PTPRN2: variants seen among roughly 807,000 people sequenced by gnomAD.
PTPRN2 encodes the protein receptor-type tyrosine-protein phosphatase N2.
Under a neutral mutation model 118.8 loss-of-function variants are expected in PTPRN2, and 74 were observed. The ratio of observed to expected loss-of-function variants is 0.62; its 90% confidence interval spans 0.52 to 0.76. The LOEUF is 0.76. PTPRN2 is among the 30% of genes least tolerant of loss of function. The pLI is 0.00. For synonymous variants in PTPRN2, 641 were observed against 608.0 expected (o/e 1.05, Z -0.80); for missense variants, 1,481 against 1,394.4 (o/e 1.06, Z -0.99).
rs181609262 is a variant in PTPRN2, at chr7:157,880,368, A to G, written c.1788+18305T>C. On this transcript the variant is annotated intron_variant, in intron 12 of 22. Transcript: ENST00000389418. ...ATCAGGAAATACATCGCAAAGGAAA[A>G]GACAACACTGCCAAAGAAGTAAAAT... Among the ~76,000 whole-genome samples the G allele has an allele frequency of 3.3e-5, 5 of 152,386 alleles. No homozygotes were observed. The East Asian group carries it at 9.6e-4, about 29-fold the overall frequency.
In PTPRN2 at chr7:157,990,451, G is replaced by A. The variant is rs1221147018; in HGVS notation, c.1723+90847C>T. On this transcript the variant is annotated intron_variant, in intron 11 of 22. Coordinates refer to ENST00000389418, the MANE Select transcript of PTPRN2 (RefSeq NM_002847.5). This position sits in a 1 kb window ranked among gnomAD's most constrained non-coding sequence, Gnocchi z 4.3. ...GGGATCCAGGTTCTCCTTCCTTCAG[G>A]GCACCCCCACCCACCCTCTCCCCAA... 6.6e-6 allele frequency among the ~76,000 whole-genome samples: 1 copy of A among 152,040 alleles called. No homozygotes were observed. Among genetic ancestry groups the A allele is most frequent in the Non-Finnish European group, 1.5e-5 (1 of 67,990 alleles).
chr7:158,231,840 C>A (rs1829181393), intron 3 of PTPRN2, among the ~76,000 whole-genome samples: 1 of 152,096 alleles, frequency 6.6e-6, no homozygotes, highest in Admixed American at 6.6e-5. Context: ...TACATAAACA[C>A]ATGGGAATTA....
At chr7:158,299,227 G>GC (rs1300269704) in intron 3 of PTPRN2, among the ~76,000 whole-genome samples, 5 of 152,054 alleles carry the variant, frequency 3.3e-5, no homozygotes, top group Non-Finnish European at 7.4e-5. Context: ...GACCTGGGCT[G>GC]CCCTGGGGAA....
At chr7:158,564,772 G>T (rs1268424164) in intron 1 of PTPRN2, among the ~76,000 whole-genome samples, 1 of 152,250 alleles carries the variant, frequency 6.6e-6, no homozygotes, top group Non-Finnish European at 1.5e-5. Flanking sequence ...CAGAGGGCGG[G>T]CAGCTCAGCA....
Position 158,508,257 on chromosome 7 carries a change from C to T in PTPRN2, c.113-18472G>A, listed in dbSNP as rs547868542. On this transcript the variant is annotated intron_variant, in intron 1 of 22. Coordinates refer to ENST00000389418, the MANE Select transcript of PTPRN2 (RefSeq NM_002847.5). ...GCTGGGCAGGGGGCAGGAGATGACA[C>T]TGTGGTCATCCGAAAGCTTTCGATG... Among the ~76,000 whole-genome samples the T allele has an allele frequency of 4.7e-4, 71 of 152,334 alleles. 2 individuals are homozygous for T. The South Asian group carries it at 0.014, about 30-fold the overall frequency.
intron 2 of PTPRN2, among the ~76,000 whole-genome samples, chr7:158,431,271 G>C (rs1586658763): frequency 6.9e-6 from 1 of 144,338 alleles, no homozygotes; most frequent in East Asian, 2.2e-4. Context: ...CTCACTCCGG[G>C]CTCAACACTG....
chr7:157,917,381 G>T (rs73517038), intron 11 of PTPRN2, among the ~76,000 whole-genome samples: 3 of 152,328 alleles, frequency 2.0e-5, no homozygotes, highest in East Asian at 1.9e-4. Flanking sequence ...CACTCCTCAG[G>T]GTTCCAAGAA....
rs151261145 is a variant in PTPRN2, at chr7:158,510,875, G to A, written c.113-21090C>T. ...TTCTCAGGGCCGCTTGCTGGGAAAC[G>A]ACATGTGTCGAGTTCCCAGCAGTGG... is the stretch of plus-strand genomic sequence containing the variant. On this transcript the variant is annotated intron_variant, in intron 1 of 22. Coordinates refer to ENST00000389418, the MANE Select transcript of PTPRN2 (RefSeq NM_002847.5). Among the ~76,000 whole-genome samples the A allele has an allele frequency of 3.8e-4, 58 of 152,338 alleles. 1 individual carries two copies. Among genetic ancestry groups the A allele is most frequent in the Admixed American group, 3.1e-3 (48 of 15,314 alleles).
At chr7:158,005,982 T>C (rs918524321) in intron 11 of PTPRN2, among the ~76,000 whole-genome samples, 1 of 152,230 alleles carries the variant, frequency 6.6e-6, no homozygotes, top group African/African-American at 2.4e-5. Context: ...TCTGAATTTC[T>C]TTGGAATGCT....
At position 158,319,509 on chromosome 7, in the gene PTPRN2, CCACACACACAGCCTCCCT is replaced by C. The variant is rs1315416822; in HGVS notation, c.164-2595_164-2578del. Among the ~76,000 whole-genome samples the C allele has an allele frequency of 2.7e-4, 10 of 37,082 alleles. 1 individual carries two copies. Among genetic ancestry groups the C allele is most frequent in the East Asian group, 8.6e-4 (1 of 1,168 alleles). 24.3% of individuals were successfully genotyped at this position (37,082 alleles called of 152,430 possible). On this transcript the variant is annotated intron_variant, in intron 2 of 22. Coordinates refer to ENST00000389418, the MANE Select transcript of PTPRN2 (RefSeq NM_002847.5). Reference sequence around the variant, plus strand: ...TCCCTCACACTCACACAGCCTCCCCCCACACACACAGCCTCCCTCACACACACAGCCTCCCTCACACAC... The same window carrying C: ...TCCCTCACACTCACACAGCCTCCCCCCACACACACAGCCTCCCTCACACAC...
chr7:157,695,958 T>A (rs536910511), intron 12 of PTPRN2, among the ~76,000 whole-genome samples: 1 of 151,086 alleles, frequency 6.6e-6, no homozygotes, highest in African/African-American at 2.4e-5. Flanking sequence ...CCTCACCATC[T>A]ACCCATGCAT....
chr7:157,988,154 T>C lies in PTPRN2; in HGVS notation c.1724-89417A>G, dbSNP rs952467719. ...TTGTTTGTGGACTGTGAGTGATGCA[T>C]GTCCTGTGGCACCATGGGAGCACCA... is the stretch of plus-strand genomic sequence containing the variant. On this transcript the variant is annotated intron_variant, in intron 11 of 22. Coordinates refer to ENST00000389418, the MANE Select transcript of PTPRN2 (RefSeq NM_002847.5). Among the ~76,000 whole-genome samples, 6 of 152,334 alleles carry C rather than the reference T, an allele frequency of 3.9e-5. No homozygotes were observed. In the East Asian group the frequency reaches 1.2e-3, roughly 29 times the overall value.
intron 2 of PTPRN2, among the ~76,000 whole-genome samples, chr7:158,405,561 A>G (rs1022896690): frequency 6.6e-6 from 1 of 152,248 alleles, no homozygotes; most frequent in Non-Finnish European, 1.5e-5. Context: ...CTTGCTAAGA[A>G]ACGGGGCATG....
chr7:158,173,743 A>AT (rs1823927533), intron 5 of PTPRN2, among the ~76,000 whole-genome samples: 1 of 152,058 alleles, frequency 6.6e-6, no homozygotes, highest in African/African-American at 2.4e-5. Context: ...TCATAGACCT[A>AT]CCCCTGGGAA....
chr7:157,745,227 TCCTGGGG>T (rs1419581539), intron 12 of PTPRN2, among the ~76,000 whole-genome samples: 4 of 152,168 alleles, frequency 2.6e-5, no homozygotes, highest in African/African-American at 9.7e-5. Context: ...ACCCTAGAGC[TCCTGGGG>T]CCCTGCCCAG....
intron 11 of PTPRN2, among the ~76,000 whole-genome samples, chr7:157,991,131 C>T (rs1422051152): frequency 6.6e-6 from 1 of 152,016 alleles, no homozygotes; most frequent in Non-Finnish European, 1.5e-5. Context: ...CAAGCCAAGG[C>T]GACCGAGCTT....
rs868809941 is a variant in PTPRN2, at chr7:158,214,518, C to G, written c.278-9245G>C. Among the ~76,000 whole-genome samples, 5 of 151,946 alleles carry G rather than the reference C, an allele frequency of 3.3e-5. No homozygotes were observed. The South Asian group carries it at 8.3e-4, about 25-fold the overall frequency. On this transcript the variant is annotated intron_variant, in intron 3 of 22. Transcript: ENST00000389418. ...AATATTAGATATTAACAGCTCTACCCCAGCAAAACACCACAGAAAAAAGTA... is the reference window on the plus strand; with the variant it reads ...AATATTAGATATTAACAGCTCTACCGCAGCAAAACACCACAGAAAAAAGTA...
rs896988205 is a variant in PTPRN2, at chr7:158,535,340, G to C, written c.113-45555C>G. ...TCCCCATTCAGCTGCGTGAATTCGG[G>C]TAAGTTTCTTACATGAGCTGAGCCT... On this transcript the variant is annotated intron_variant, in intron 1 of 22. Coordinates refer to ENST00000389418, the MANE Select transcript of PTPRN2 (RefSeq NM_002847.5). 2.0e-5 allele frequency among the ~76,000 whole-genome samples: 3 copies of C among 152,168 alleles called. No homozygotes were observed. The South Asian group carries it at 6.2e-4, about 32-fold the overall frequency.
intron 2 of PTPRN2, among the ~76,000 whole-genome samples, chr7:158,404,895 TCAGCTCCCCGGCCCCAGCTCCCTGGCTCC>T (rs1813275310): frequency 2.7e-5 from 1 of 37,214 alleles, no homozygotes; most frequent in African/African-American, 1.1e-4. Context: ...CTCCTCGGCC[TCAGCTCCCCGGCCCCAGCTCCCTGGCTCC>T]CAGCTCCCCG....
Sources: allele counts gnomAD v4.1 joint callset (sites outside exome capture counted in the v4.1 genomes callset), GRCh38; gene constraint gnomAD v4.1.1; non-coding constraint Gnocchi (gnomAD v3.1); transcripts MANE v1.5; gene names NCBI Gene and HGNC (gene_info 2026-07-23, HGNC 2026-07-21).